Variants in FOXN2 observed in about 807,000 individuals in gnomAD.
FOXN2 encodes forkhead box N2.
A neutral mutation model predicts 41.2 loss-of-function variants in FOXN2; 19 were observed. The observed-to-expected ratio is 0.46, with a 90% confidence interval of 0.32 to 0.68. FOXN2 has a LOEUF of 0.68. FOXN2 is among the 30% of genes least tolerant of loss of function. The pLI, the probability that FOXN2 is intolerant of heterozygous loss-of-function variation, is 0.03. For synonymous variants in FOXN2, 195 were observed against 176.8 expected, an observed-to-expected ratio of 1.10 and a Z score of -0.82; for missense variants, 587 against 509.4, an observed-to-expected ratio of 1.15 and a Z score of -1.47.
intron 2 of FOXN2, among the ~76,000 whole-genome samples, chr2:48,336,386 T>C (rs888874890): frequency 6.1e-5 from 9 of 146,916 alleles, no homozygotes; most frequent in Admixed American, 1.4e-4. Context: ...CCAGCCTGGG[T>C]GACAGAGCAA....
chr2:48,345,892 A>T (rs966301724), intron 2 of FOXN2, among the ~76,000 whole-genome samples: 1 of 152,180 alleles, frequency 6.6e-6, no homozygotes, highest in African/African-American at 2.4e-5. Context: ...GCCACTTCCT[A>T]TTAGGTGATT....
intron 2 of FOXN2, among the ~76,000 whole-genome samples, chr2:48,340,296 C>T (rs1670660129): frequency 6.6e-6 from 1 of 152,112 alleles, no homozygotes; most frequent in Admixed American, 6.5e-5. Context: ...CTTTGTTTCC[C>T]TTTTCTTATG....
intron 1 of FOXN2, among the ~76,000 whole-genome samples, chr2:48,325,872 G>C (rs1156940783): frequency 8.1e-6 from 1 of 124,198 alleles, no homozygotes; most frequent in Non-Finnish European, 1.6e-5. Context: ...TTTTTGAGAC[G>C]AAGTTTTCCT....
At chr2:48,341,363 A>G (rs972926317) in intron 2 of FOXN2, among the ~76,000 whole-genome samples, 7 of 152,180 alleles carry the variant, frequency 4.6e-5, no homozygotes, top group African/African-American at 1.7e-4. Context: ...TTTTGTAGTA[A>G]TATTGCATAT....
intron 5 of FOXN2, among the ~76,000 whole-genome samples, chr2:48,371,426 C>G (rs2104527133): frequency 6.6e-6 from 1 of 152,008 alleles, no homozygotes. Flanking sequence ...GTAAATATGT[C>G]AATTAATGTC....
intron 2 of FOXN2, among the ~76,000 whole-genome samples, chr2:48,331,136 C>A (rs1193500820): frequency 6.6e-6 from 1 of 152,122 alleles, no homozygotes. Flanking sequence ...CAGTGACTGG[C>A]TCAAGGGTAC....
rs1414546716 is a variant in FOXN2 at position 48,378,725 on chromosome 2, G to T, written c.*3282G>T. On this transcript the variant is annotated 3_prime_UTR_variant, in exon 7 of 7. Coordinates refer to ENST00000340553, the MANE Select transcript of FOXN2 (RefSeq NM_002158.4). The stretch of plus-strand genomic sequence containing the variant: ...TTTTAGTTTGAAATGTGTAAGCTTT[G>T]ATTTAAACCAAGTTTACTTCAGTAT... 3.4e-5 allele frequency: 5 copies of T among 145,954 alleles called. No homozygotes were observed. Among genetic ancestry groups the T allele is most frequent in the African/African-American group, 1.0e-4 (4 of 39,412 alleles). The allele number at this position is 145,954 out of a possible 1,614,324, so 9.0% of individuals were successfully genotyped here. A position where few individuals can be genotyped will look rare whatever the true frequency, so the allele number is the denominator to read the frequency against.
intron 2 of FOXN2, among the ~76,000 whole-genome samples, chr2:48,329,753 A>G (rs1226817870): frequency 2.6e-5 from 4 of 152,200 alleles, no homozygotes; most frequent in Non-Finnish European, 5.9e-5. Context: ...GATAGACATT[A>G]TTTATAATGG....
intron 3 of FOXN2, among the ~76,000 whole-genome samples, chr2:48,357,163 G>A (rs11690690): frequency 0.42 from 64,380 of 151,944 alleles, 13,801 homozygotes; most frequent in South Asian, 0.46. Flanking sequence ...CCATGGTAAC[G>A]TAAACCAGAC....
chr2:48,313,884 G>T (rs575385832), upstream of FOXN2, among the ~76,000 whole-genome samples: 1 of 152,212 alleles, frequency 6.6e-6, no homozygotes, highest in South Asian at 2.1e-4. Flanking sequence ...CCATTTTTCT[G>T]AAATTCAGGT....
At chr2:48,330,987 A>G (rs1669985967) in intron 2 of FOXN2, among the ~76,000 whole-genome samples, 1 of 152,160 alleles carries the variant, frequency 6.6e-6, no homozygotes, top group Non-Finnish European at 1.5e-5. Context: ...CAGTTATTCA[A>G]GTGTTGGTTT....
chr2:48,364,532 T>C (rs987552170), intron 5 of FOXN2, among the ~76,000 whole-genome samples: 2 of 152,228 alleles, frequency 1.3e-5, no homozygotes, highest in African/African-American at 2.4e-5. Context: ...AGATTCACAC[T>C]GTGTATACAG....
rs1362038343 is a variant in FOXN2 at position 48,378,574 on chromosome 2, G to T, written c.*3131G>T. On this transcript the variant is annotated 3_prime_UTR_variant, in exon 7 of 7. Transcript: ENST00000340553. Reference sequence around the variant, plus strand: ...TGTGAATACTTCACAAAGCTGTAAAGACCATTGTCTTAAATACTACAACAA... The same window carrying T: ...TGTGAATACTTCACAAAGCTGTAAATACCATTGTCTTAAATACTACAACAA... The T allele has an allele frequency of 6.6e-6, 1 of 152,306 alleles. No individual in the cohort carries two copies. The highest frequency in any genetic ancestry group is 1.5e-5 in the Non-Finnish European group (1 of 67,914). The allele number at this position is 152,306 out of a possible 1,614,324, so 9.4% of individuals were successfully genotyped here. A position where few individuals can be genotyped will look rare whatever the true frequency, so the allele number is the denominator to read the frequency against.
chr2:48,324,085 A>C (rs927796895), intron 1 of FOXN2, among the ~76,000 whole-genome samples: 3 of 152,276 alleles, frequency 2.0e-5, no homozygotes, highest in East Asian at 3.9e-4. Flanking sequence ...GTCATCAACT[A>C]TCTCTTAAGT....
intron 1 of FOXN2, among the ~76,000 whole-genome samples, chr2:48,316,192 AC>A (rs1302918919): frequency 6.6e-6 from 1 of 151,384 alleles, no homozygotes; most frequent in Non-Finnish European, 1.5e-5. Flanking sequence ...CTTAAGACTT[AC>A]CTCTGTTACC....
At chr2:48,372,515 G>A (rs1672965650) in intron 5 of FOXN2, among the ~76,000 whole-genome samples, 1 of 151,814 alleles carries the variant, frequency 6.6e-6, no homozygotes, top group Admixed American at 6.6e-5. Context: ...ATTATTAATG[G>A]TGTAATTTAG....
chr2:48,323,563 G>A (rs1010445251), intron 1 of FOXN2, among the ~76,000 whole-genome samples: 2 of 151,954 alleles, frequency 1.3e-5, no homozygotes, highest in African/African-American at 2.4e-5. Flanking sequence ...CTCTTTGCCC[G>A]CTTTTTGATA....
At chr2:48,343,860 G>A (rs1191065943) in intron 2 of FOXN2, among the ~76,000 whole-genome samples, 2 of 152,092 alleles carry the variant, frequency 1.3e-5, no homozygotes, top group Non-Finnish European at 2.9e-5. Context: ...TAGAGATGAT[G>A]CATTTTAAAG....
intron 1 of FOXN2, among the ~76,000 whole-genome samples, chr2:48,324,868 ACT>A (rs1020719988): frequency 3.3e-5 from 5 of 152,142 alleles, no homozygotes; most frequent in Admixed American, 1.3e-4. Flanking sequence ...AGATTGAAAG[ACT>A]CTAACAGAAA....
Sources: allele counts gnomAD v4.1 joint callset (sites outside exome capture counted in the v4.1 genomes callset), GRCh38; gene constraint gnomAD v4.1.1; transcripts MANE v1.5; gene names NCBI Gene and HGNC (gene_info 2026-07-23, HGNC 2026-07-21).